Variants in AGBL1 observed in about 807,000 individuals in gnomAD.
The protein encoded by AGBL1 is cytosolic carboxypeptidase 4.
Under a neutral mutation model 118.9 loss-of-function variants are expected in AGBL1, and 130 were observed. That is an observed-to-expected ratio of 1.09 (90% CI 0.95 to 1.26). AGBL1 has a LOEUF of 1.26. AGBL1 is among the 50% of genes most tolerant of loss of function. The probability of loss-of-function intolerance (pLI) is 0.00; values close to 1 mark genes in which losing one functional copy is unlikely to be tolerated. For missense variants in AGBL1, 1,584 were observed against 1,298.1 expected (o/e 1.22, Z -3.38); for synonymous variants, 555 against 478.9 (o/e 1.16, Z -2.08).
chr15:86,897,087 T>C (rs953628733), intron 22 of AGBL1, among the ~76,000 whole-genome samples: 1 of 152,248 alleles, frequency 6.6e-6, no homozygotes, highest in Admixed American at 6.5e-5. Context: ...TGGCCTTTTC[T>C]GTCATTAGGG....
chr15:86,904,798 C>A lies in AGBL1; in HGVS notation c.3159-2289C>A, dbSNP rs141617721. The stretch of plus-strand genomic sequence containing the variant: ...TTTAAAAATAAATTAAAAAGTAATT[C>A]CACAAAAGATGATTCAAATATGGTT... On this transcript the variant is annotated intron_variant, in intron 22 of 22. Transcript: ENST00000614907. 7.5e-3 allele frequency among the ~76,000 whole-genome samples: 1,126 copies of A among 149,760 alleles called. 32 individuals are homozygous for A. Among genetic ancestry groups the A allele is most frequent in the Admixed American group, 0.052 (783 of 15,134 alleles).
intron 23 of AGBL1, among the ~76,000 whole-genome samples, chr15:86,975,398 C>G (rs932528532): frequency 1.3e-5 from 2 of 151,870 alleles, no homozygotes; most frequent in African/African-American, 4.8e-5. Context: ...CAGAAGAGCA[C>G]GAGAAAGAGA....
chr15:86,236,242 G>T (rs992803666), intron 6 of AGBL1, among the ~76,000 whole-genome samples: 1 of 152,138 alleles, frequency 6.6e-6, no homozygotes, highest in Non-Finnish European at 1.5e-5. Context: ...CCAGTCCCAG[G>T]GGCACACAGT....
At chr15:86,732,878 T>C (rs916949075) in intron 22 of AGBL1, among the ~76,000 whole-genome samples, 1 of 151,056 alleles carries the variant, frequency 6.6e-6, no homozygotes, top group Non-Finnish European at 1.5e-5. Context: ...TATATATAGA[T>C]AGATATATAG....
At chr15:86,434,158 C>G (rs1259483411) in intron 18 of AGBL1, among the ~76,000 whole-genome samples, 2 of 152,188 alleles carry the variant, frequency 1.3e-5, no homozygotes, top group Non-Finnish European at 2.9e-5. Flanking sequence ...CCAAATTAAC[C>G]TTTTTGATGA....
At chr15:86,416,603 T>C (rs2081699276) in intron 18 of AGBL1, among the ~76,000 whole-genome samples, 1 of 152,210 alleles carries the variant, frequency 6.6e-6, no homozygotes, top group South Asian at 2.1e-4. Context: ...TATCTAGCTA[T>C]TAATCTAGCC....
At chr15:86,882,894 A>T (rs1165438386) in intron 22 of AGBL1, among the ~76,000 whole-genome samples, 1 of 152,230 alleles carries the variant, frequency 6.6e-6, no homozygotes, top group Non-Finnish European at 1.5e-5. Context: ...TGAAAATAGT[A>T]CTAGAATTTT....
intron 18 of AGBL1, among the ~76,000 whole-genome samples, chr15:86,464,310 A>G (rs2082370275): frequency 6.6e-6 from 1 of 152,176 alleles, no homozygotes; most frequent in Non-Finnish European, 1.5e-5. Flanking sequence ...ACTTTGCTGA[A>G]GTTGCTTATG....
At chr15:86,869,590 A>G (rs1043294155) in intron 22 of AGBL1, among the ~76,000 whole-genome samples, 1 of 152,142 alleles carries the variant, frequency 6.6e-6, no homozygotes, top group Non-Finnish European at 1.5e-5. Flanking sequence ...TGTAGATCCG[A>G]TATGTGGATA....
intron 18 of AGBL1, among the ~76,000 whole-genome samples, chr15:86,474,994 C>A (rs534444338): frequency 1.6e-4 from 25 of 152,224 alleles, no homozygotes; most frequent in Non-Finnish European, 3.2e-4. Flanking sequence ...CAAACTCCAA[C>A]AGACCTGCAG....
At chr15:86,583,586 G>A (rs1040361560) in intron 21 of AGBL1, among the ~76,000 whole-genome samples, 1 of 152,128 alleles carries the variant, frequency 6.6e-6, no homozygotes, top group Non-Finnish European at 1.5e-5. Flanking sequence ...ACTGCTGATG[G>A]GCGCTTAAGT....
intron 19 of AGBL1, among the ~76,000 whole-genome samples, chr15:86,532,297 G>A (rs2083360949): frequency 6.6e-6 from 1 of 152,128 alleles, no homozygotes; most frequent in African/African-American, 2.4e-5. Flanking sequence ...AAAATCACAA[G>A]CATTGTCATA....
At position 87,012,799 on chromosome 15, in the gene AGBL1, G is replaced by A. The variant is rs76217552; in HGVS notation, c.3324-16026G>A. Among the ~76,000 whole-genome samples the A allele has an allele frequency of 4.4e-3, 672 of 152,076 alleles. 9 individuals carry two copies. Among genetic ancestry groups the A allele is most frequent in the African/African-American group, 0.015 (630 of 41,496 alleles). On this transcript the variant is annotated intron_variant, in intron 24 of 24. Coordinates refer to the AGBL1 transcript ENST00000441037. ...TGAAACCTGAAATTAAATACCCCTC[G>A]AAATCCATCAGTTCTGTATGGCTGA...
Position 86,398,314 on chromosome 15 carries a change from G to A in AGBL1, c.2555+768G>A, listed in dbSNP as rs548168664. 8.6e-4 allele frequency among the ~76,000 whole-genome samples: 131 copies of A among 152,272 alleles called. 1 individual carries two copies. Among genetic ancestry groups the A allele is most frequent in the Non-Finnish European group, 1.2e-3 (84 of 68,012 alleles). ...AAAGTCACACAGGTGGTGCATGAGG[G>A]TGACAGGATTAACATCCACAAAGAG... On this transcript the variant is annotated intron_variant, in intron 18 of 22. Transcript: ENST00000614907.
chr15:87,005,138 C>T (rs1217838849), intron 24 of AGBL1, among the ~76,000 whole-genome samples: 1 of 152,112 alleles, frequency 6.6e-6, no homozygotes. Context: ...TCCTTCATTT[C>T]AACTTTGGTG....
chr15:86,188,118 A>T (rs1396171866), intron 5 of AGBL1, among the ~76,000 whole-genome samples: 1 of 152,164 alleles, frequency 6.6e-6, no homozygotes, highest in Non-Finnish European at 1.5e-5. Context: ...CAGTTATCAT[A>T]TTGTTTCTGT....
intron 18 of AGBL1, among the ~76,000 whole-genome samples, chr15:86,499,344 G>A (rs1281292263): frequency 4.0e-5 from 6 of 151,896 alleles, no homozygotes; most frequent in Non-Finnish European, 8.8e-5. Flanking sequence ...ATTCTGGCTA[G>A]GCTGGGATTC....
intron 23 of AGBL1, among the ~76,000 whole-genome samples, chr15:86,983,056 CTTT>C (rs1364251910): frequency 1.3e-5 from 2 of 151,914 alleles, no homozygotes; most frequent in African/African-American, 4.8e-5. Flanking sequence ...ATTATCACAC[CTTT>C]TTTTGTTTTG....
chr15:86,371,304 C>A (rs1424709289), intron 17 of AGBL1, among the ~76,000 whole-genome samples: 2 of 152,066 alleles, frequency 1.3e-5, no homozygotes, highest in East Asian at 3.9e-4. Flanking sequence ...TCATTGGGGC[C>A]TGGAGCAAAG....
Sources: gnomAD v4.1 joint callset for allele counts (sites outside exome capture counted in the v4.1 genomes callset) on GRCh38, gnomAD v4.1.1 for gene constraint, MANE v1.5 for transcripts, NCBI Gene and HGNC (gene_info 2026-07-23, HGNC 2026-07-21) for gene names.